DCHS2: variants seen among roughly 807,000 people sequenced by gnomAD.
The protein encoded by DCHS2 is protocadherin-23.
In DCHS2, 142 loss-of-function variants were observed where a neutral mutation model predicts 182.4. That is an observed-to-expected ratio of 0.78 (90% CI 0.68 to 0.89). The LOEUF (loss-of-function observed/expected upper bound fraction) is 0.89. Among genes scored for constraint, DCHS2 ranks in the 40% least tolerant of loss-of-function variants. DCHS2 has a pLI of 0.00. For missense variants in DCHS2, 4,319 were observed against 4,198.6 expected (o/e 1.03, Z -0.79); for synonymous variants, 1,740 against 1,663.3 (o/e 1.05, Z -1.12).
chr4:154,477,245 A>G (rs896347291), intron 1 of DCHS2, among the ~76,000 whole-genome samples: 1 of 151,854 alleles, frequency 6.6e-6, no homozygotes, highest in African/African-American at 2.4e-5. Context: ...AAGAGATTCA[A>G]CTCCTCTCTC....
At chr4:154,299,555 A>G (rs1735117530) in intron 12 of DCHS2, among the ~76,000 whole-genome samples, 1 of 152,216 alleles carries the variant, frequency 6.6e-6, no homozygotes, top group Non-Finnish European at 1.5e-5. Context: ...GAGGCATATG[A>G]GGACCAAGTG....
intron 1 of DCHS2, among the ~76,000 whole-genome samples, chr4:154,427,874 G>A (rs1283612254): frequency 1.3e-5 from 2 of 152,224 alleles, no homozygotes; most frequent in Non-Finnish European, 2.9e-5. Context: ...ACATAGGAAT[G>A]TTGTGATTGA....
rs140779841 is a variant in DCHS2 at position 154,358,343 on chromosome 4, C to T, written c.2476+7867G>A. Among the ~76,000 whole-genome samples the T allele has an allele frequency of 6.7e-3, 1,016 of 152,152 alleles. 10 individuals are homozygous for T. The highest frequency in any genetic ancestry group is 0.023 in the African/African-American group (965 of 41,498). On this transcript the variant is annotated intron_variant, in intron 3 of 19. Transcript: ENST00000357232. Reference sequence around the variant, plus strand: ...CTCTTGCCTGACTGTTTTAGATTTTCCAGCATTGTCTTTGGAAGCCCTACA... The same window carrying T: ...CTCTTGCCTGACTGTTTTAGATTTTTCAGCATTGTCTTTGGAAGCCCTACA...
intron 3 of DCHS2, among the ~76,000 whole-genome samples, chr4:154,354,087 C>A (rs1246716246): frequency 3.3e-5 from 5 of 152,054 alleles, no homozygotes; most frequent in African/African-American, 1.2e-4. Context: ...CCACCACGCC[C>A]GGTTAACATT....
rs146848442 is a variant in DCHS2, at chr4:154,271,170, G to A, written c.6464-1157C>T. ...CAGGAGTGGGGAATAAATTTAAATA[G>A]GAAGTATAAATACAGTGTGAAGAAG... On this transcript the variant is annotated intron_variant, in intron 13 of 19. Transcript: ENST00000357232. 5.7e-3 allele frequency among the ~76,000 whole-genome samples: 872 copies of A among 152,204 alleles called. 6 individuals carry two copies. The highest frequency in any genetic ancestry group is 0.02 in the African/African-American group (839 of 41,530).
intron 1 of DCHS2, among the ~76,000 whole-genome samples, chr4:154,471,144 G>A (rs1735448459): frequency 6.6e-6 from 1 of 152,054 alleles, no homozygotes; most frequent in South Asian, 2.1e-4. Flanking sequence ...ATTGCCATGT[G>A]GGTTCAGGAC....
chr4:154,257,023 G>T (rs1232739575), intron 15 of DCHS2, among the ~76,000 whole-genome samples: 2 of 152,154 alleles, frequency 1.3e-5, no homozygotes, highest in East Asian at 3.9e-4. Context: ...GCCAAGGCGG[G>T]TGGATTACGA....
rs746359669 is a variant in DCHS2 at position 154,298,257 on chromosome 4, G to A, written c.6057C>T (p.Ser2019=). The change falls in exon 13 of 20, where the codon AGC becomes AGT. Residue 2019 remains serine, a synonymous_variant. Transcript: ENST00000357232. ...CATATACTTTTATAATTACAGTGGT[G>A]CTTCGTGAACCCTGGATGCTACAGT... is the stretch of plus-strand genomic sequence containing the variant. ...ARDCSIQGSR[S]TTVIIKVYVT... 1.2e-6 allele frequency: 2 copies of A among 1,614,190 alleles called. No individual in the cohort carries two copies. The highest frequency in any genetic ancestry group is 3.3e-5 in the Admixed American group (2 of 60,028).
intron 14 of DCHS2, among the ~76,000 whole-genome samples, chr4:154,263,086 TCA>T (rs1260250942): frequency 6.6e-6 from 1 of 152,184 alleles, no homozygotes; most frequent in Admixed American, 6.5e-5. Context: ...AATGGTTTTC[TCA>T]CACTTTTATT....
At chr4:154,248,001 A>C (rs1732164255) in intron 16 of DCHS2, among the ~76,000 whole-genome samples, 1 of 152,224 alleles carries the variant, frequency 6.6e-6, no homozygotes, top group Non-Finnish European at 1.5e-5. Flanking sequence ...TGGAGAGGGC[A>C]TAAAGCAGTA....
Position 154,232,495 on chromosome 4 carries a change from C to G in DCHS2, c.*2041G>C, listed in dbSNP as rs1380073499. 1 of 152,072 alleles carries G rather than the reference C, an allele frequency of 6.6e-6. No homozygotes were observed. The highest frequency in any genetic ancestry group is 2.4e-5 in the African/African-American group (1 of 41,420). The allele number at this position is 152,072 out of a possible 1,614,324, so 9.4% of individuals were successfully genotyped here. The stretch of plus-strand genomic sequence containing the variant: ...GTAAATAAATCACAGTAATAAATAA[C>G]TAACTTAGGGAATAGGTAGATGAAT... On this transcript the variant is annotated 3_prime_UTR_variant, in exon 20 of 20. Coordinates refer to ENST00000357232, the MANE Select transcript of DCHS2 (RefSeq NM_001358235.2).
chr4:154,284,894 G>C (rs1280390327), intron 13 of DCHS2, among the ~76,000 whole-genome samples: 1 of 152,068 alleles, frequency 6.6e-6, no homozygotes, highest in Non-Finnish European at 1.5e-5. Context: ...ACACCAACTG[G>C]GGTGGCCAAG....
intron 1 of DCHS2, among the ~76,000 whole-genome samples, chr4:154,441,639 T>G (rs1734018276): frequency 6.9e-6 from 1 of 144,452 alleles, no homozygotes; most frequent in Non-Finnish European, 1.5e-5. Flanking sequence ...AAAAAAAAAC[T>G]ATAACACAAC....
At chr4:154,395,796 G>A (rs1035692935) in intron 1 of DCHS2, among the ~76,000 whole-genome samples, 1 of 152,192 alleles carries the variant, frequency 6.6e-6, no homozygotes, top group East Asian at 1.9e-4. Flanking sequence ...AGGCAAGAAG[G>A]AAAGTAGACG....
At chr4:154,466,681 G>T (rs550085346) in intron 1 of DCHS2, among the ~76,000 whole-genome samples, 2 of 152,144 alleles carry the variant, frequency 1.3e-5, no homozygotes, top group African/African-American at 2.4e-5. Context: ...AGCTCTAAAA[G>T]CTGAACTATT....
intron 12 of DCHS2, among the ~76,000 whole-genome samples, chr4:154,302,465 C>T (rs1336623099): frequency 4.6e-5 from 7 of 152,124 alleles, no homozygotes; most frequent in Non-Finnish European, 1.0e-4. Context: ...TGTTTTAGGC[C>T]TGGCTTTTGT....
chr4:154,345,308 C>A (rs1190209416), intron 3 of DCHS2, among the ~76,000 whole-genome samples: 1 of 152,224 alleles, frequency 6.6e-6, no homozygotes, highest in African/African-American at 2.4e-5. Context: ...CTTCCATTAT[C>A]CACTTAACCA....
At chr4:154,273,906 G>A (rs1193342440) in intron 13 of DCHS2, among the ~76,000 whole-genome samples, 1 of 152,132 alleles carries the variant, frequency 6.6e-6, no homozygotes. Context: ...AGTCTACCCT[G>A]CTGCTGGGTG....
At chr4:154,252,684 T>TACTC (rs1732438539) in intron 16 of DCHS2, among the ~76,000 whole-genome samples, 2 of 151,828 alleles carry the variant, frequency 1.3e-5, no homozygotes, top group African/African-American at 2.4e-5. Flanking sequence ...GGCTAAATAA[T>TACTC]ACTCCATTGT....
Sources: allele counts gnomAD v4.1 joint callset (sites outside exome capture counted in the v4.1 genomes callset), GRCh38; gene constraint gnomAD v4.1.1; transcripts MANE v1.5; gene names NCBI Gene and HGNC (gene_info 2026-07-23, HGNC 2026-07-21).